Variants in NKX6-3 observed in about 807,000 individuals in gnomAD.
The protein encoded by NKX6-3 is homeobox protein Nkx-6.3.
NKX6-3 carries 17 observed loss-of-function variants against 22.0 expected under a neutral mutation model. The observed-to-expected ratio is 0.77, with a 90% CI of 0.53 to 1.16. NKX6-3 has a LOEUF of 1.16. Ranked by LOEUF, NKX6-3 falls within the 50% of genes most tolerant of loss-of-function variation. The probability of loss-of-function intolerance (pLI) is 0.00; values close to 1 mark genes in which losing one functional copy is unlikely to be tolerated. For missense variants in NKX6-3, 363 were observed against 359.0 expected (o/e 1.01, Z -0.09); for synonymous variants, 177 against 167.2 (o/e 1.06, Z -0.45).
rs1382337004 is a variant in NKX6-3, at chr8:41,650,192, C to G, written c.301G>C (p.Gly101Arg). The stretch of plus-strand genomic sequence containing the variant: ...CGGGTCCGGGTCGGGTACTCGTTCC[C>G]AGCCTTGGAAAAATTCCCTACCTGG... ...SPQVGNFSKA[G>R]NEYPTRTRNC... is the part of the protein sequence containing the mutation. Residue 101 changes from glycine to arginine, a missense_variant, in exon 1 of 3, where the codon GGG (glycine) becomes CGG (arginine). Coordinates refer to ENST00000518699, the MANE Select transcript of NKX6-3 (RefSeq NM_001364841.2). 1 of 1,535,144 alleles carries G rather than the reference C, an allele frequency of 6.5e-7. No homozygotes were observed. Among genetic ancestry groups the G allele is most frequent in the Admixed American group, 2.0e-5 (1 of 50,880 alleles).
chr8:41,647,754 C>CTGG (rs1804241977), intron 2 of NKX6-3, among the ~76,000 whole-genome samples: 1 of 151,406 alleles, frequency 6.6e-6, no homozygotes, highest in African/African-American at 2.4e-5. Context: ...CCCAGCTCTG[C>CTGG]CAGCTCTCCC....
At position 41,650,750 on chromosome 8, in the gene NKX6-3, G is replaced by A. The variant is rs1442524596; in HGVS notation, c.-258C>T. 2 of 466,204 alleles carry A rather than the reference G, an allele frequency of 4.3e-6. No homozygotes were observed. Among genetic ancestry groups the A allele is most frequent in the Non-Finnish European group, 3.8e-6 (1 of 259,862 alleles). The allele number at this position is 466,204 out of a possible 1,614,324, so 28.9% of individuals were successfully genotyped here. A position where few individuals can be genotyped will look rare whatever the true frequency, so the allele number is the denominator to read the frequency against. On this transcript the variant is annotated 5_prime_UTR_variant, in exon 1 of 3. Coordinates refer to ENST00000518699, the MANE Select transcript of NKX6-3 (RefSeq NM_001364841.2). ...CTCCTTGCCCTGGCCGGACAGGGTG[G>A]CCCCCTAAGCCTCAGCTCAGACCCC...
intron 2 of NKX6-3, chr8:41,647,150 C>T (rs1265040272): frequency 1.3e-6 from 2 of 1,597,902 alleles, no homozygotes; most frequent in South Asian, 1.1e-5. Context: ...AGAAAAGTAA[C>T]GTAGGTCCAT....
chr8:41,646,754 G>C, intron 2 of NKX6-3, 60 bp from the exon 3 acceptor site: 1 of 1,510,746 alleles, frequency 6.6e-7, no homozygotes, highest in Non-Finnish European at 8.8e-7. Context: ...CGCGAGAACA[G>C]CCATCCTGCT....
Position 41,645,686 on chromosome 8 carries a change from A to C in NKX6-3, c.*763T>G, listed in dbSNP as rs1804185948. 6.6e-6 allele frequency: 1 copy of C among 152,156 alleles called. No homozygotes were observed. The highest frequency in any genetic ancestry group is 2.1e-4 in the South Asian group (1 of 4,828). 9.4% of individuals were successfully genotyped at this position (152,156 alleles called of 1,614,324 possible). A position where few individuals can be genotyped will look rare whatever the true frequency, so the allele number is the denominator to read the frequency against. Reference sequence around the variant, plus strand: ...CACCCTCCCCTTTTCCCCGGCTGTCAGGATGAGGAGGGCACAGCGGTCTCA... The same window carrying C: ...CACCCTCCCCTTTTCCCCGGCTGTCCGGATGAGGAGGGCACAGCGGTCTCA... On this transcript the variant is annotated 3_prime_UTR_variant, in exon 3 of 3. Transcript: ENST00000518699.
At chr8:41,649,727 C>T (rs751288830) in intron 1 of NKX6-3, among the ~76,000 whole-genome samples, 16 of 152,212 alleles carry the variant, frequency 1.1e-4, no homozygotes, top group Admixed American at 9.2e-4. Flanking sequence ...ACGGGGGTAG[C>T]ATTTGCCTGC....
chr8:41,646,973 T>TCCTC (rs1563289621), intron 2 of NKX6-3, among the ~76,000 whole-genome samples: 20 of 71,042 alleles, frequency 2.8e-4, no homozygotes, highest in African/African-American at 1.2e-3. Context: ...TCCTCCTCCT[T>TCCTC]CTCCTCCTCC....
chr8:41,647,091 T>C, intron 2 of NKX6-3: 1 of 1,324,808 alleles, frequency 7.5e-7, no homozygotes, highest in Non-Finnish European at 1.1e-6. Flanking sequence ...TACTCTGGGC[T>C]TCATAGACCC....
In NKX6-3 at chr8:41,645,705, G is replaced by C. The variant is rs567524448; in HGVS notation, c.*744C>G. 2.6e-5 allele frequency: 4 copies of C among 152,340 alleles called. No individual in the cohort carries two copies. Among genetic ancestry groups the C allele is most frequent in the African/African-American group, 4.8e-5 (2 of 41,426 alleles). The allele number at this position is 152,340 out of a possible 1,614,324, so 9.4% of individuals were successfully genotyped here. ...GCTGTCAGGATGAGGAGGGCACAGC[G>C]GTCTCAGAGGTATTGACCCTGAGGG... On this transcript the variant is annotated 3_prime_UTR_variant, in exon 3 of 3. Transcript: ENST00000518699.
At position 41,645,754 on chromosome 8, in the gene NKX6-3, G is replaced by A. The variant is rs1804187438; in HGVS notation, c.*695C>T. The A allele has an allele frequency of 6.6e-6, 1 of 152,460 alleles. No individual in the cohort carries two copies. The highest frequency in any genetic ancestry group is 2.4e-5 in the African/African-American group (1 of 41,462). 9.4% of individuals were successfully genotyped at this position (152,460 alleles called of 1,614,324 possible). ...GGTAAATCGGAGAAAGGAGGCCAGG[G>A]GGATTTCCGCAGCTCAGGGGCCGTC... On this transcript the variant is annotated 3_prime_UTR_variant, in exon 3 of 3. Transcript: ENST00000518699.
chr8:41,647,279 G>A lies in NKX6-3; in HGVS notation c.553-585C>T, dbSNP rs575445619. On this transcript the variant is annotated intron_variant, in intron 2 of 2. Coordinates refer to ENST00000518699, the MANE Select transcript of NKX6-3 (RefSeq NM_001364841.2). ...CAGCTGAGCGGCTGATGAGGAGGGC[G>A]CAGCGGGTTGGAGCTCGGGGAGGCC... 1.4e-5 allele frequency: 22 copies of A among 1,606,448 alleles called. No individual in the cohort carries two copies. The highest frequency in any genetic ancestry group is 2.2e-5 in the East Asian group (1 of 44,542).
At position 41,647,977 on chromosome 8, in the gene NKX6-3, G is replaced by A. The variant is rs1352124105; in HGVS notation, c.552+89C>T. On this transcript the variant is annotated intron_variant, in intron 2 of 2. Coordinates refer to ENST00000518699, the MANE Select transcript of NKX6-3 (RefSeq NM_001364841.2). ...GGACAGCTGCCCTCTGGGGGGCTGCGTTGTGTGGCCACCTCTCTCCAACGC... is the reference window on the plus strand; with the variant it reads ...GGACAGCTGCCCTCTGGGGGGCTGCATTGTGTGGCCACCTCTCTCCAACGC... 1.3e-5 allele frequency: 16 copies of A among 1,243,070 alleles called. No homozygotes were observed. The East Asian group carries it at 2.1e-4, about 16-fold the overall frequency. 77.0% of individuals were successfully genotyped at this position (1,243,070 alleles called of 1,614,324 possible).
chr8:41,650,295 C>T lies in NKX6-3; in HGVS notation c.198G>A (p.Pro66=), dbSNP rs1225421633. ...TDILSRPVAA[P]NNSLLSGYPH... ...GGTAGCCGGAGAGGAGGCTGTTGTT[C>T]GGCGCAGCCACGGGCCTGCTCAGGA... is the stretch of plus-strand genomic sequence containing the variant. The change falls in exon 1 of 3, where the codon CCG becomes CCA. Residue 66 remains proline (P), a synonymous_variant. Coordinates refer to ENST00000518699, the MANE Select transcript of NKX6-3 (RefSeq NM_001364841.2). 5 of 1,534,354 alleles carry T rather than the reference C, an allele frequency of 3.3e-6. No homozygotes were observed. The highest frequency in any genetic ancestry group is 3.9e-5 in the Admixed American group (2 of 50,776).
intron 2 of NKX6-3, 82 bp downstream of exon 2, chr8:41,647,984 G>A (rs2150519735): frequency 1.5e-6 from 2 of 1,294,826 alleles, no homozygotes; most frequent in Admixed American, 2.3e-5. Flanking sequence ...TGCGTTGTGT[G>A]GCCACCTCTC....
intron 2 of NKX6-3, chr8:41,647,456 G>T: frequency 7.9e-7 from 1 of 1,261,162 alleles, no homozygotes. Context: ...TCTATTTAGG[G>T]GGCATTTGGG....
rs1299857280 is a variant in NKX6-3 at position 41,645,620 on chromosome 8, G to C, written c.*829C>G. On this transcript the variant is annotated 3_prime_UTR_variant, in exon 3 of 3. Transcript: ENST00000518699. ...ATCAGCACCAAATGATGCCCAGGTGGGTGGCCCTTGGGCACACCGTCCCCG... is the reference window on the plus strand; with the variant it reads ...ATCAGCACCAAATGATGCCCAGGTGCGTGGCCCTTGGGCACACCGTCCCCG... 2.0e-5 allele frequency: 3 copies of C among 151,912 alleles called. No individual in the cohort carries two copies. The highest frequency in any genetic ancestry group is 7.3e-5 in the African/African-American group (3 of 41,304). The allele number at this position is 151,912 out of a possible 1,614,324, so 9.4% of individuals were successfully genotyped here. A position where few individuals can be genotyped will look rare whatever the true frequency, so the allele number is the denominator to read the frequency against.
At position 41,650,368 on chromosome 8, in the gene NKX6-3, C is replaced by A. The variant is rs953661783; in HGVS notation, c.125G>T (p.Gly42Val). 6.5e-7 allele frequency: 1 copy of A among 1,535,296 alleles called. No individual in the cohort carries two copies. The highest frequency in any genetic ancestry group is 8.7e-7 in the Non-Finnish European group (1 of 1,146,570). Residue 42 changes from glycine (G) to valine (V), a missense_variant, in exon 1 of 3, where the codon GGG (glycine) becomes GTG (valine). Gly to Val is a moderately radical substitution (Grantham distance 109, BLOSUM62 -3). Coordinates refer to ENST00000518699, the MANE Select transcript of NKX6-3 (RefSeq NM_001364841.2). The part of the protein sequence containing the change: ...QNSFYKLSPP[G>V]LGPQLAAGTP... ...TCCGGCGGCCAGCTGGGGGCCCAGC[C>A]CTGGGGGGCTGAGCTTGTAGAAGGA... is the stretch of plus-strand genomic sequence containing the variant.
At position 41,646,447 on chromosome 8, in the gene NKX6-3, C is replaced by A; in HGVS notation, c.*2G>T. ...CAGGATCCCGGGCCTGGACGGCGGG[C>A]GTCAGACGCTGTGCGCTCCCAGGCT... On this transcript the variant is annotated 3_prime_UTR_variant, in exon 3 of 3. Transcript: ENST00000518699. The A allele has an allele frequency of 6.3e-7, 1 of 1,591,222 alleles. No homozygotes were observed. Among genetic ancestry groups the A allele is most frequent in the Non-Finnish European group, 8.5e-7 (1 of 1,171,812 alleles).
At position 41,646,219 on chromosome 8, in the gene NKX6-3, G is replaced by C; in HGVS notation, c.*230C>G. 1 of 615,750 alleles carries C rather than the reference G, an allele frequency of 1.6e-6. No individual in the cohort carries two copies. 38.1% of individuals were successfully genotyped at this position (615,750 alleles called of 1,614,324 possible). Reference sequence around the variant, plus strand: ...TCAGGAGTGCTGTGCCTCCCTCCTGGCCTCCTCCTCCCTTAGCTAGGATGC... The same window carrying C: ...TCAGGAGTGCTGTGCCTCCCTCCTGCCCTCCTCCTCCCTTAGCTAGGATGC... On this transcript the variant is annotated 3_prime_UTR_variant, in exon 3 of 3. Transcript: ENST00000518699.
Sources: allele counts gnomAD v4.1 joint callset (sites outside exome capture counted in the v4.1 genomes callset), GRCh38; gene constraint gnomAD v4.1.1; transcripts MANE v1.5; gene names NCBI Gene and HGNC (gene_info 2026-07-23, HGNC 2026-07-21).